DLEC1: variants seen among roughly 807,000 people sequenced by gnomAD.
DLEC1 encodes deleted in lung and esophageal cancer protein 1.
DLEC1 carries 146 observed loss-of-function variants against 198.1 expected under a neutral mutation model. That is an observed-to-expected ratio of 0.74 (90% CI 0.64 to 0.85). DLEC1 has a LOEUF of 0.85. DLEC1 is among the 40% of genes least tolerant of loss of function. The pLI, the probability that DLEC1 is intolerant of heterozygous loss-of-function variation, is 0.00. For missense variants in DLEC1, 2,233 were observed against 2,220.0 expected, an observed-to-expected ratio of 1.01 and a Z score of -0.12; for synonymous variants, 897 against 866.8, an observed-to-expected ratio of 1.03 and a Z score of -0.61.
At chr3:38,071,941 G>T (rs1049084952) in intron 6 of DLEC1, among the ~76,000 whole-genome samples, 1 of 152,218 alleles carries the variant, frequency 6.6e-6, no homozygotes, top group African/African-American at 2.4e-5. Context: ...GTAGTGGAGG[G>T]GGGCAGAGTG....
chr3:38,073,470 C>G (rs1697435373), intron 6 of DLEC1, among the ~76,000 whole-genome samples: 1 of 151,938 alleles, frequency 6.6e-6, no homozygotes, highest in Non-Finnish European at 1.5e-5. Flanking sequence ...GGCATGTGAT[C>G]AGTTGCCAGG....
intron 2 of DLEC1, among the ~76,000 whole-genome samples, chr3:38,046,235 C>A (rs1050794333): frequency 2.6e-5 from 4 of 151,992 alleles, no homozygotes; most frequent in African/African-American, 7.3e-5. Context: ...GTTGCAATGA[C>A]CTTTGTGTGA....
rs1575232846 is a variant in DLEC1, at chr3:38,115,171, AG to A, written c.3856+123del. The stretch of plus-strand genomic sequence containing the variant: ...GCCCATGAACAGGACCCAGGTGTCC[AG>A]GGGGCCTGTGGTTACGGAAGTGTGG... On this transcript the variant is annotated intron_variant, in intron 27 of 36. Coordinates refer to ENST00000308059, the MANE Select transcript of DLEC1 (RefSeq NM_007335.4). The A allele has an allele frequency of 2.9e-5, 32 of 1,101,230 alleles. No individual in the cohort carries two copies. In the East Asian group the frequency reaches 7.2e-4, roughly 25 times the overall value. 68.2% of individuals were successfully genotyped at this position (1,101,230 alleles called of 1,614,324 possible). A position where few individuals can be genotyped will look rare whatever the true frequency, so the allele number is the denominator to read the frequency against.
chr3:38,081,913 C>G (rs1468155367), intron 6 of DLEC1, among the ~76,000 whole-genome samples: 3 of 148,590 alleles, frequency 2.0e-5, no homozygotes, highest in Non-Finnish European at 4.5e-5. Flanking sequence ...CCACCTCCCT[C>G]CCGGACGGGG....
At chr3:38,067,884 C>T (rs1022935618) in intron 6 of DLEC1, among the ~76,000 whole-genome samples, 9 of 151,122 alleles carry the variant, frequency 6.0e-5, no homozygotes, top group African/African-American at 2.2e-4. Flanking sequence ...TCCTGTGTAA[C>T]TGGGATTACA....
chr3:38,115,526 T>C (rs77094271), intron 27 of DLEC1, among the ~76,000 whole-genome samples: 3,951 of 151,974 alleles, frequency 0.026, 170 homozygotes, highest in African/African-American at 0.09. Context: ...GGTAAGCCGA[T>C]GTGGGCCAGG....
rs1024743715 is a variant in DLEC1 at position 38,097,917 on chromosome 3, G to T, written c.2724+15G>T. 1 of 1,614,072 alleles carries T rather than the reference G, an allele frequency of 6.2e-7. No individual in the cohort carries two copies. Among genetic ancestry groups the T allele is most frequent in the Non-Finnish European group, 8.5e-7 (1 of 1,179,920 alleles). ...GGCCTGAGGATGTAAGTCAGGCACTGCTGGTTCCTCTGGTGCCCCCACAAT... is the reference window on the plus strand; with the variant it reads ...GGCCTGAGGATGTAAGTCAGGCACTTCTGGTTCCTCTGGTGCCCCCACAAT... On this transcript the variant is annotated intron_variant, in intron 18 of 36. Coordinates refer to ENST00000308059, the MANE Select transcript of DLEC1 (RefSeq NM_007335.4).
chr3:38,062,391 A>G (rs759076042), intron 4 of DLEC1, 23 bp downstream of exon 4: 1 of 1,614,014 alleles, frequency 6.2e-7, no homozygotes, highest in Non-Finnish European at 8.5e-7. Context: ...GGCTGTGCAG[A>G]GCAGTGTTTG....
At chr3:38,055,883 G>A (rs1487383575) in intron 2 of DLEC1, among the ~76,000 whole-genome samples, 1 of 152,130 alleles carries the variant, frequency 6.6e-6, no homozygotes, top group African/African-American at 2.4e-5. Flanking sequence ...GAGATGAAAG[G>A]CCTTCTTTAA....
At chr3:38,062,031 A>G (rs1280018023) in intron 3 of DLEC1, 138 bp from the exon 4 acceptor site, 2 of 804,632 alleles carry the variant, frequency 2.5e-6, no homozygotes, top group African/African-American at 3.4e-5. Flanking sequence ...AAGAGCAATT[A>G]TAGCTGGTGT....
intron 2 of DLEC1, among the ~76,000 whole-genome samples, chr3:38,048,873 C>T (rs1476825172): frequency 6.6e-6 from 1 of 152,178 alleles, no homozygotes; most frequent in African/African-American, 2.4e-5. Flanking sequence ...TTTCCCCCTC[C>T]ACCACAGCAC....
intron 6 of DLEC1, among the ~76,000 whole-genome samples, chr3:38,082,500 C>T (rs888187045): frequency 6.6e-6 from 1 of 152,172 alleles, no homozygotes; most frequent in African/African-American, 2.4e-5. Context: ...GTGTTCTTAA[C>T]CCTCCAGAAA....
At chr3:38,107,920 C>G (rs1002650391) in intron 20 of DLEC1, among the ~76,000 whole-genome samples, 183 bp downstream of exon 20, 3 of 152,342 alleles carry the variant, frequency 2.0e-5, no homozygotes, top group East Asian at 1.9e-4. Flanking sequence ...TCTGGTCCAG[C>G]TTTTTCTTGC....
chr3:38,063,767 A>C (rs878860824), intron 5 of DLEC1, 74 bp from the exon 6 acceptor site: 2 of 1,067,338 alleles, frequency 1.9e-6, no homozygotes, highest in Non-Finnish European at 2.9e-6. Flanking sequence ...TTTTACATTA[A>C]TCAGTCACTG....
chr3:38,092,725 G>A, intron 10 of DLEC1, 65 bp from the exon 11 acceptor site: 1 of 1,418,580 alleles, frequency 7.0e-7, no homozygotes, highest in Non-Finnish European at 1.0e-6. Flanking sequence ...GAGGAGGAGG[G>A]TGGGAGGCGG....
At chr3:38,096,034 G>A (rs1306012599) in intron 14 of DLEC1, 88 bp downstream of exon 14, 1 of 1,516,464 alleles carries the variant, frequency 6.6e-7, no homozygotes, top group Non-Finnish European at 9.1e-7. Flanking sequence ...TCAGGTGAGG[G>A]GGAGTGGGCA....
At position 38,112,404 on chromosome 3, in the gene DLEC1, C is replaced by T. The variant is rs1559459871; in HGVS notation, c.3666+43C>T. ...GGCAGTGGCCTGGGGGGTGGAGAGT[C>T]TGCCCAGCCCTCGCCTTCAGCCTCT... On this transcript the variant is annotated intron_variant, in intron 25 of 36. Coordinates refer to ENST00000308059, the MANE Select transcript of DLEC1 (RefSeq NM_007335.4). The surrounding 1 kb of genome is among the most constrained non-coding windows in gnomAD (Gnocchi z 4.8). The T allele has an allele frequency of 6.2e-7, 1 of 1,602,886 alleles. No individual in the cohort carries two copies. Among genetic ancestry groups the T allele is most frequent in the Admixed American group, 1.7e-5 (1 of 59,802 alleles).
intron 9 of DLEC1, among the ~76,000 whole-genome samples, chr3:38,086,611 CTT>C (rs1394655536): frequency 6.6e-6 from 1 of 152,238 alleles, no homozygotes; most frequent in Admixed American, 6.5e-5. Context: ...TATCACCTCT[CTT>C]ATCCTTCAAG....
At position 38,122,547 on chromosome 3, in the gene DLEC1, C is replaced by A. The variant is rs770030504; in HGVS notation, c.*135C>A. On this transcript the variant is annotated 3_prime_UTR_variant, in exon 37 of 37. Transcript: ENST00000308059. ...CTGGGCAGCTCCTGGAATGGAAGAA[C>A]CCCCTTCCACAATGGTCTCAGCCTA... The A allele has an allele frequency of 9.3e-6, 15 of 1,609,444 alleles. No homozygotes were observed. The South Asian group carries it at 1.2e-4, about 13-fold the overall frequency.
Sources: gnomAD v4.1 joint callset for allele counts (sites outside exome capture counted in the v4.1 genomes callset) on GRCh38, gnomAD v4.1.1 for gene constraint, Gnocchi (gnomAD v3.1) non-coding constraint, MANE v1.5 for transcripts, NCBI Gene and HGNC (gene_info 2026-07-23, HGNC 2026-07-21) for gene names.